The following BAHCC1 variants were observed in gnomAD, a reference collection of about 807,000 sequenced individuals.
BAHCC1 encodes the protein BAH domain and coiled-coil containing 1.
Under a neutral mutation model 88.2 loss-of-function variants are expected in BAHCC1, and 43 were observed. The ratio of observed to expected loss-of-function variants is 0.49; its 90% CI spans 0.38 to 0.63. The LOEUF is 0.63. BAHCC1 is among the 20% of genes least tolerant of loss of function. The pLI is 0.00. For synonymous variants in BAHCC1, 1,510 were observed against 745.5 expected, an observed-to-expected ratio of 2.03 and a Z score of -16.71; for missense variants, 3,023 against 1,654.8, an observed-to-expected ratio of 1.83 and a Z score of -14.34.
At position 81,442,284 on chromosome 17, in the gene BAHCC1, CG is replaced by C. The variant is rs782159043; in HGVS notation, c.940del (p.Val314TrpfsTer2). ...GGGGGCATGCTGGGGCGGCCTGGCA[CG>C]GGGGTGGTGACCTCCGGGCGCTGTG... Reference protein sequence around the residue: ...CAGGMLGRPGTGVVTSGRCAK... With the variant: ...CAGGMLGRPGXGVVTSGRCAK... On this transcript the variant is annotated frameshift_variant, in exon 5 of 28. Transcript: ENST00000675386. LOFTEE classifies it high-confidence loss of function. 3.2e-6 allele frequency: 2 copies of C among 624,298 alleles called. No homozygotes were observed. The highest frequency in any genetic ancestry group is 2.8e-5 in the Admixed American group (1 of 36,002). 38.7% of individuals were successfully genotyped at this position (624,298 alleles called of 1,614,324 possible). A position where few individuals can be genotyped will look rare whatever the true frequency, so the allele number is the denominator to read the frequency against.
At chr17:81,418,024 G>A (rs1379578065) in intron 2 of BAHCC1, among the ~76,000 whole-genome samples, 1 of 152,222 alleles carries the variant, frequency 6.6e-6, no homozygotes, top group Non-Finnish European at 1.5e-5. Context: ...AGCTGCCTTC[G>A]TGGAGCCACA....
chr17:81,453,601 A>C (rs1488546451), intron 14 of BAHCC1, among the ~76,000 whole-genome samples: 2 of 144,894 alleles, frequency 1.4e-5, no homozygotes, highest in African/African-American at 5.1e-5. Context: ...GCCCCCCCCC[A>C]GAGCTGCCCC....
At chr17:81,462,379 A>G (rs1194437367) in intron 26 of BAHCC1, among the ~76,000 whole-genome samples, 1 of 152,178 alleles carries the variant, frequency 6.6e-6, no homozygotes, top group Non-Finnish European at 1.5e-5. Context: ...CCGCACTCAG[A>G]TGCCTGCGTC....
intron 2 of BAHCC1, among the ~76,000 whole-genome samples, chr17:81,405,445 A>G (rs1160161632): frequency 6.6e-6 from 1 of 152,080 alleles, no homozygotes; most frequent in African/African-American, 2.4e-5. Context: ...GGGTTGGAGT[A>G]AGGGTAACTC....
Position 81,399,845 on chromosome 17 carries a change from G to A in BAHCC1, c.106G>A (p.Ala36Thr). ...CGCGCGTCTCGCCCCGGCTGGGCCC[G>A]CCGCGCAGCCCCCCGCACACTTCCA... is the stretch of plus-strand genomic sequence containing the variant. ...AAARLAPAGP[A>T]AQPPAHFQPG... is the part of the protein sequence containing the mutation. The change falls in exon 2 of 28, where the codon GCC (alanine) becomes ACC (threonine). Residue 36 changes from alanine to threonine, a missense_variant. Physicochemically the swap from Ala to Thr is moderately conservative, Grantham distance 58. Transcript: ENST00000675386. The surrounding 1 kb of genome is among the most constrained non-coding windows in gnomAD (Gnocchi z 4.5). 5.1e-6 allele frequency: 7 copies of A among 1,369,436 alleles called. No individual in the cohort carries two copies. The highest frequency in any genetic ancestry group is 3.4e-5 in the South Asian group (2 of 59,690). The allele number at this position is 1,369,436 out of a possible 1,614,324, so 84.8% of individuals were successfully genotyped here.
In BAHCC1 at chr17:81,436,494, C is replaced by T. The variant is rs1036908530; in HGVS notation, c.359-1876C>T. On this transcript the variant is annotated intron_variant, in intron 3 of 27. Transcript: ENST00000675386. The stretch of plus-strand genomic sequence containing the variant: ...AGACTTCTGTTTACCAAAATGAGGC[C>T]TCGTAAAACATTTAACAGCAGCCAA... Among the ~76,000 whole-genome samples the T allele has an allele frequency of 4.0e-4, 61 of 152,310 alleles. 1 individual carries two copies. The highest frequency in any genetic ancestry group is 1.1e-3 in the African/African-American group (47 of 41,550).
At position 81,433,587 on chromosome 17, in the gene BAHCC1, G is replaced by A. The variant is rs782371820; in HGVS notation, c.359-4783G>A. On this transcript the variant is annotated intron_variant, in intron 3 of 27. Transcript: ENST00000675386. ...TTAGGGCAGGTGTCATCAGTCCACC[G>A]AGGTCCCCGTGTGCTCAGGGCAGGT... Among the ~76,000 whole-genome samples, 6 of 145,572 alleles carry A rather than the reference G, an allele frequency of 4.1e-5. No homozygotes were observed. In the East Asian group the frequency reaches 8.2e-4, roughly 20 times the overall value.
chr17:81,430,435 G>A (rs1489684844), intron 3 of BAHCC1, among the ~76,000 whole-genome samples: 4 of 152,072 alleles, frequency 2.6e-5, no homozygotes, highest in Admixed American at 6.5e-5. Flanking sequence ...TCAGAACCAC[G>A]CCCCACCAGC....
In BAHCC1 at chr17:81,399,802, C is replaced by T. The variant is rs2063790215; in HGVS notation, c.63C>T (p.His21=). ...HLLSERGSLG[H]RSAAAAARLA... ...TGTCGGAGCGCGGGAGCCTGGGCCACCGCAGCGCCGCTGCCGCCGCGCGTC... is the reference window on the plus strand; with the variant it reads ...TGTCGGAGCGCGGGAGCCTGGGCCATCGCAGCGCCGCTGCCGCCGCGCGTC... Residue 21 remains histidine (H), a synonymous_variant, in exon 2 of 28, where the codon CAC becomes CAT. Transcript: ENST00000675386. This position sits in a 1 kb window ranked among gnomAD's most constrained non-coding sequence, Gnocchi z 4.5. 12 of 1,303,838 alleles carry T rather than the reference C, an allele frequency of 9.2e-6. No individual in the cohort carries two copies. The highest frequency in any genetic ancestry group is 9.7e-6 in the Non-Finnish European group (10 of 1,028,220). The allele number at this position is 1,303,838 out of a possible 1,614,324, so 80.8% of individuals were successfully genotyped here.
chr17:81,422,854 G>A (rs936988190), intron 2 of BAHCC1: 5 of 373,328 alleles, frequency 1.3e-5, no homozygotes, highest in African/African-American at 2.2e-5. Context: ...GGGAAGGCCT[G>A]GGGGACTCGA....
At chr17:81,407,919 G>C (rs2063901217) in intron 2 of BAHCC1, among the ~76,000 whole-genome samples, 1 of 152,198 alleles carries the variant, frequency 6.6e-6, no homozygotes, top group African/African-American at 2.4e-5. Flanking sequence ...AAGCCAGGTT[G>C]CTTAGTGACT....
In BAHCC1 at chr17:81,402,409, C is replaced by T. The variant is rs543554506; in HGVS notation, c.178+2492C>T. 3 of 152,272 alleles carry T rather than the reference C, an allele frequency of 2.0e-5. No homozygotes were observed. The South Asian group carries it at 6.2e-4, about 32-fold the overall frequency. The allele number at this position is 152,272 out of a possible 1,614,324, so 9.4% of individuals were successfully genotyped here. On this transcript the variant is annotated intron_variant, in intron 2 of 27. Coordinates refer to ENST00000675386, the MANE Select transcript of BAHCC1 (RefSeq NM_001377448.1). Reference sequence around the variant, plus strand: ...ATACCCCAGATCACTTTGCTTTGGTCTGTGTCTATATATGATCTAGTTTAG... The same window carrying T: ...ATACCCCAGATCACTTTGCTTTGGTTTGTGTCTATATATGATCTAGTTTAG...
intron 3 of BAHCC1, among the ~76,000 whole-genome samples, chr17:81,436,394 C>T (rs2143474132): frequency 6.6e-6 from 1 of 152,360 alleles, no homozygotes; most frequent in Non-Finnish European, 1.5e-5. Context: ...AGCGGATGGG[C>T]TGGAGGCCTG....
chr17:81,430,286 G>A (rs2064245817), intron 3 of BAHCC1, among the ~76,000 whole-genome samples: 1 of 152,160 alleles, frequency 6.6e-6, no homozygotes, highest in Non-Finnish European at 1.5e-5. Flanking sequence ...TTCCTGGGGG[G>A]CTCAGCTGGG....
chr17:81,416,686 G>C lies in BAHCC1; in HGVS notation c.179-10114G>C, dbSNP rs2064035893. On this transcript the variant is annotated intron_variant, in intron 2 of 27. Transcript: ENST00000675386. ...GATGGGTGAGCACACAGGAGGGTGA[G>C]AGCCTGCCCCCCTGGCCATCCCGAG... 2.0e-5 allele frequency among the ~76,000 whole-genome samples: 3 copies of C among 152,204 alleles called. No homozygotes were observed. In the South Asian group the frequency reaches 6.2e-4, roughly 31 times the overall value.
intron 2 of BAHCC1, among the ~76,000 whole-genome samples, chr17:81,421,145 A>C (rs1598467557): frequency 6.6e-6 from 1 of 151,576 alleles, no homozygotes; most frequent in South Asian, 2.1e-4. Context: ...CTAGGTCAAG[A>C]CCCCCTCCCT....
chr17:81,445,613 T>A lies in BAHCC1; in HGVS notation c.3095T>A (p.Val1032Glu). 1.4e-6 allele frequency: 1 copy of A among 729,766 alleles called. No homozygotes were observed. The highest frequency in any genetic ancestry group is 2.5e-6 in the Non-Finnish European group (1 of 392,836). 45.2% of individuals were successfully genotyped at this position (729,766 alleles called of 1,614,324 possible). Reference protein sequence around the residue: ...PASSPGPGSRVRSAEEKNGEG... With the variant: ...PASSPGPGSRERSAEEKNGEG... ...AGCAGCCCCGGGCCTGGCTCCCGGG[T>A]GCGCAGCGCCGAGGAAAAGAATGGG... is the stretch of plus-strand genomic sequence containing the variant. Residue 1032 changes from valine (V) to glutamate (E), a missense_variant, in exon 10 of 28, where the codon GTG becomes GAG. Val to Glu is a moderately radical substitution (Grantham distance 121). Coordinates refer to ENST00000675386, the MANE Select transcript of BAHCC1 (RefSeq NM_001377448.1).
chr17:81,399,153 G>GTA lies in BAHCC1; in HGVS notation c.-206-381_-206-380insTA. ...AGTGTGTGTGTGTGTGTGTGTGTGT[G>GTA]CGAGTGTGCGTGATGGCTTCGCAGA... On this transcript the variant is annotated intron_variant, in intron 1 of 27. Transcript: ENST00000675386. The surrounding 1 kb of genome is among the most constrained non-coding windows in gnomAD (Gnocchi z 4.5). 2 of 326,634 alleles carry GTA rather than the reference G, an allele frequency of 6.1e-6. No homozygotes were observed. The highest frequency in any genetic ancestry group is 1.3e-5 in the Non-Finnish European group (2 of 158,910). 20.2% of individuals were successfully genotyped at this position (326,634 alleles called of 1,614,324 possible). A position where few individuals can be genotyped will look rare whatever the true frequency, so the allele number is the denominator to read the frequency against.
rs782668374 is a variant in BAHCC1, at chr17:81,460,947, T to C, written c.6284T>C (p.Leu2095Ser). 2.6e-6 allele frequency: 2 copies of C among 771,202 alleles called. No homozygotes were observed. Among genetic ancestry groups the C allele is most frequent in the Non-Finnish European group, 4.8e-6 (2 of 417,842 alleles). 47.8% of individuals were successfully genotyped at this position (771,202 alleles called of 1,614,324 possible). ...TTCCTGGGCCGCCGTGGCAGCCCCT[T>C]GCTGAGCTGGTCCGCGGTGGCGCAG... ...DHFLGRRGSP[L>S]LSWSAVAQTK... The change falls in exon 26 of 28, where the codon TTG becomes TCG. Residue 2095 changes from leucine (L) to serine (S), a missense_variant. By Grantham distance (145) the Leu-to-Ser change is moderately radical. Coordinates refer to ENST00000675386, the MANE Select transcript of BAHCC1 (RefSeq NM_001377448.1).
Sources: gnomAD v4.1 joint callset for allele counts (sites outside exome capture counted in the v4.1 genomes callset) on GRCh38, gnomAD v4.1.1 for gene constraint, Gnocchi (gnomAD v3.1) non-coding constraint, MANE v1.5 for transcripts, NCBI Gene and HGNC (gene_info 2026-07-23, HGNC 2026-07-21) for gene names.